PIK3AP1: variants seen among roughly 807,000 people sequenced by gnomAD.
PIK3AP1 encodes phosphoinositide 3-kinase adapter protein 1.
Under a neutral mutation model 88.1 loss-of-function variants are expected in PIK3AP1, and 21 were observed. The ratio of observed to expected loss-of-function variants is 0.24; its 90% CI spans 0.17 to 0.34. The LOEUF is 0.34. Among genes scored for constraint, PIK3AP1 ranks in the 10% least tolerant of loss-of-function variants. The pLI is 1.00. For missense variants in PIK3AP1, 828 were observed against 1,035.7 expected, an observed-to-expected ratio of 0.80 and a Z score of 2.75; for synonymous variants, 398 against 400.0, an observed-to-expected ratio of 1.00 and a Z score of 0.06.
intron 11 of PIK3AP1, 136 bp downstream of exon 11, chr10:96,623,336 T>A: frequency 1.2e-6 from 1 of 833,688 alleles, no homozygotes; most frequent in Non-Finnish European, 1.8e-6. Context: ...GTGCTGGGAC[T>A]ACAGGCGTGA....
chr10:96,656,944 A>G lies in PIK3AP1; in HGVS notation c.431-10T>C. The G allele has an allele frequency of 6.2e-7, 1 of 1,613,644 alleles. No homozygotes were observed. The highest frequency in any genetic ancestry group is 8.5e-7 in the Non-Finnish European group (1 of 1,179,720). Reference sequence around the variant, plus strand: ...GAGTCACAGCCAGAATCTACAAAATAGAGGACACCGCTGAATGGGAACGGC... The same window carrying G: ...GAGTCACAGCCAGAATCTACAAAATGGAGGACACCGCTGAATGGGAACGGC... On this transcript the variant is annotated splice_polypyrimidine_tract_variant and intron_variant, in intron 2 of 16. Transcript: ENST00000339364.
intron 2 of PIK3AP1, 73 bp from the exon 3 acceptor site, chr10:96,657,007 G>C (rs1252283191): frequency 5.9e-6 from 9 of 1,516,848 alleles, no homozygotes; most frequent in Non-Finnish European, 6.3e-6. Context: ...CCCCATGAGA[G>C]CCCCAAATAT....
intron 2 of PIK3AP1, among the ~76,000 whole-genome samples, chr10:96,669,791 C>A (rs576786953): frequency 9.1e-4 from 137 of 150,928 alleles, no homozygotes; most frequent in Middle Eastern, 3.4e-3. Context: ...AAAAAAAAAA[C>A]CAGAGAGAAT....
chr10:96,657,019 G>A, intron 2 of PIK3AP1, 85 bp from the exon 3 acceptor site: 1 of 1,411,596 alleles, frequency 7.1e-7, no homozygotes, highest in Non-Finnish European at 9.7e-7. Context: ...CCCAAATATT[G>A]CAAAATAGGA....
chr10:96,702,517 T>C (rs1320680681), intron 2 of PIK3AP1, among the ~76,000 whole-genome samples: 1 of 146,930 alleles, frequency 6.8e-6, no homozygotes, highest in African/African-American at 2.5e-5. Flanking sequence ...AAAAAAAGAA[T>C]AAACTCTGAG....
chr10:96,645,174 G>A (rs12773084), intron 8 of PIK3AP1, among the ~76,000 whole-genome samples: 6,956 of 152,244 alleles, frequency 0.046, 221 homozygotes, highest in Middle Eastern at 0.088. Flanking sequence ...AGGACCCCTG[G>A]AGACTGAGGG....
At chr10:96,712,416 T>G (rs1844450836) in intron 1 of PIK3AP1, among the ~76,000 whole-genome samples, 1 of 152,026 alleles carries the variant, frequency 6.6e-6, no homozygotes, top group Non-Finnish European at 1.5e-5. Context: ...TTACACAGAT[T>G]AAGGACAAAA....
intron 8 of PIK3AP1, chr10:96,633,149 G>A: frequency 7.1e-7 from 1 of 1,401,880 alleles, no homozygotes; most frequent in African/African-American, 1.4e-5. Flanking sequence ...ATGCCCTCAG[G>A]AAAGCCCAAA....
At position 96,656,834 on chromosome 10, in the gene PIK3AP1, G is replaced by T. The variant is rs1333758553; in HGVS notation, c.531C>A (p.Asn177Lys). ...TGCGGTCCGGCTGCACCACCATCAG[G>T]TTCCCAGGTGAAGTCACCGTCGGCA... ...QNLPTVTSPG[N>K]LMVVQPDRIR... is the part of the protein sequence containing the mutation. The change falls in exon 3 of 17, where the codon AAC (asparagine) becomes AAA (lysine). Residue 177 changes from asparagine to lysine, a missense_variant. Physicochemically the swap from Asn to Lys is moderately conservative, Grantham distance 94. Around this residue, in one of 3 missense-constraint regions of PIK3AP1, gnomAD observed 610 missense variants for 760.1 expected, o/e 0.80. Coordinates refer to ENST00000339364, the MANE Select transcript of PIK3AP1 (RefSeq NM_152309.3). 1 of 1,614,098 alleles carries T rather than the reference G, an allele frequency of 6.2e-7. No individual in the cohort carries two copies. Among genetic ancestry groups the T allele is most frequent in the Middle Eastern group, 1.7e-4 (1 of 6,056 alleles).
chr10:96,685,772 A>G (rs1354548605), intron 2 of PIK3AP1, among the ~76,000 whole-genome samples: 1 of 152,158 alleles, frequency 6.6e-6, no homozygotes, highest in East Asian at 1.9e-4. Flanking sequence ...GTAGGGAACT[A>G]AAGAGTTAAT....
chr10:96,719,726 C>A (rs1367022810), intron 1 of PIK3AP1, among the ~76,000 whole-genome samples: 1 of 152,176 alleles, frequency 6.6e-6, no homozygotes, highest in Non-Finnish European at 1.5e-5. Context: ...CCAAGACCAG[C>A]CAGAAAAGAC....
intron 3 of PIK3AP1, among the ~76,000 whole-genome samples, chr10:96,656,041 T>C (rs908941538): frequency 6.6e-6 from 1 of 152,234 alleles, no homozygotes; most frequent in African/African-American, 2.4e-5. Flanking sequence ...AGGAAGCCAG[T>C]GCTGCCCACT....
intron 2 of PIK3AP1, among the ~76,000 whole-genome samples, chr10:96,698,658 G>A (rs1347184048): frequency 6.6e-6 from 1 of 152,068 alleles, no homozygotes; most frequent in Non-Finnish European, 1.5e-5. Flanking sequence ...GCTTGAACCT[G>A]AGAGGGAGAG....
chr10:96,714,161 C>T (rs1362644340), intron 1 of PIK3AP1, among the ~76,000 whole-genome samples: 1 of 151,030 alleles, frequency 6.6e-6, no homozygotes, highest in Non-Finnish European at 1.5e-5. Context: ...GTAATAACAG[C>T]GAAACTCCGT....
Position 96,651,558 on chromosome 10 carries a change from A to G in PIK3AP1, c.806T>C (p.Ile269Thr). ...VISYYTDMEE[I>T]GNLLSNAANP... ...CGCGGCATTGGACAATAAATTCCCA[A>G]TTTCTTCCATGTCAGTATAATAGCT... The change falls in exon 5 of 17, where the codon ATT (isoleucine) becomes ACT (threonine). Residue 269 changes from isoleucine (I) to threonine (T), a missense_variant. Physicochemically the swap from Ile to Thr is moderately conservative, Grantham distance 89. Transcript: ENST00000339364. The G allele has an allele frequency of 1.9e-6, 3 of 1,614,190 alleles. No homozygotes were observed. Among genetic ancestry groups the G allele is most frequent in the Non-Finnish European group, 1.7e-6 (2 of 1,180,040 alleles).
chr10:96,716,692 A>G (rs750819429), intron 1 of PIK3AP1, among the ~76,000 whole-genome samples: 24 of 152,156 alleles, frequency 1.6e-4, no homozygotes, highest in Non-Finnish European at 3.1e-4. Context: ...TCCTTTAACC[A>G]TAAGTAGCTT....
chr10:96,707,252 C>A (rs1001834399), intron 2 of PIK3AP1, among the ~76,000 whole-genome samples: 2 of 152,158 alleles, frequency 1.3e-5, no homozygotes, highest in East Asian at 1.9e-4. Context: ...TTAAAATAAT[C>A]CTTTTTTCTA....
chr10:96,632,675 G>A (rs1843260431), intron 8 of PIK3AP1, among the ~76,000 whole-genome samples: 1 of 152,214 alleles, frequency 6.6e-6, no homozygotes, highest in Non-Finnish European at 1.5e-5. Context: ...CAACAATGTA[G>A]GTGGCTAAAT....
chr10:96,699,847 T>C (rs1564988296), intron 2 of PIK3AP1, among the ~76,000 whole-genome samples: 1 of 152,182 alleles, frequency 6.6e-6, no homozygotes, highest in South Asian at 2.1e-4. Flanking sequence ...ATCTGCCTTA[T>C]AGGGAAGCTG....
Sources: gnomAD v4.1 joint callset for allele counts (sites outside exome capture counted in the v4.1 genomes callset) on GRCh38, gnomAD v4.1.1 for gene constraint, gnomAD v4.1.1 regional missense constraint, MANE v1.5 for transcripts, NCBI Gene and HGNC (gene_info 2026-07-23, HGNC 2026-07-21) for gene names.